Variants in SUSD6 observed in about 807,000 individuals in gnomAD.
The protein encoded by SUSD6 is sushi domain-containing protein 6.
Under a neutral mutation model 28.4 loss-of-function variants are expected in SUSD6, and 16 were observed. The ratio of observed to expected loss-of-function variants is 0.56; its 90% confidence interval spans 0.38 to 0.86. SUSD6 has a LOEUF of 0.86. Among genes scored for constraint, SUSD6 ranks in the 40% least tolerant of loss-of-function variants. SUSD6 has a pLI of 0.00. For missense variants in SUSD6, 341 were observed against 384.2 expected (o/e 0.89, Z 0.94); for synonymous variants, 147 against 159.6 (o/e 0.92, Z 0.59).
At position 69,664,636 on chromosome 14, in the gene SUSD6, A is replaced by C. The variant is rs1885712068; in HGVS notation, c.121+5923A>C. On this transcript the variant is annotated intron_variant, in intron 2 of 5. Coordinates refer to ENST00000342745, the MANE Select transcript of SUSD6 (RefSeq NM_014734.4). ...CACACTAATTGTTGTGCCATGTTTA[A>C]AACATTGACAACACATGGTACCACC... Among the ~76,000 whole-genome samples the C allele has an allele frequency of 2.0e-5, 3 of 152,156 alleles. No homozygotes were observed. The South Asian group carries it at 6.2e-4, about 32-fold the overall frequency.
At chr14:69,640,117 A>G (rs955153782) in intron 1 of SUSD6, among the ~76,000 whole-genome samples, 1 of 151,718 alleles carries the variant, frequency 6.6e-6, no homozygotes, top group Admixed American at 6.6e-5. Flanking sequence ...GACTCCCGGG[A>G]AAGCTCCCAC....
intron 1 of SUSD6, among the ~76,000 whole-genome samples, chr14:69,626,539 T>C (rs765029941): frequency 1.4e-4 from 22 of 152,202 alleles, no homozygotes; most frequent in Non-Finnish European, 5.9e-5. Flanking sequence ...TCACTTTTCA[T>C]TTTTCGTTGT....
At chr14:69,635,879 G>A (rs1885259161) in intron 1 of SUSD6, among the ~76,000 whole-genome samples, 2 of 152,368 alleles carry the variant, frequency 1.3e-5, no homozygotes, top group East Asian at 3.9e-4. Context: ...TGTGGTCAGG[G>A]ACAGCATCTG....
At chr14:69,669,095 C>T (rs1321219464) in intron 2 of SUSD6, among the ~76,000 whole-genome samples, 9 of 129,452 alleles carry the variant, frequency 7.0e-5, no homozygotes, top group African/African-American at 2.3e-4. Context: ...GACAGAGTCT[C>T]GCTTTGTCGC....
At chr14:69,619,579 G>A (rs1256588072) in intron 1 of SUSD6, among the ~76,000 whole-genome samples, 3 of 149,994 alleles carry the variant, frequency 2.0e-5, no homozygotes, top group Non-Finnish European at 4.4e-5. Context: ...GCAGCATAGT[G>A]AGAGTCCACA....
intron 2 of SUSD6, among the ~76,000 whole-genome samples, chr14:69,691,963 C>G (rs1427710184): frequency 6.7e-6 from 1 of 149,650 alleles, no homozygotes; most frequent in Non-Finnish European, 1.5e-5. Context: ...TGCTTGAACC[C>G]GGGAGGCGGA....
chr14:69,688,288 A>G (rs1886104470), intron 2 of SUSD6, among the ~76,000 whole-genome samples: 1 of 152,198 alleles, frequency 6.6e-6, no homozygotes, highest in Admixed American at 6.5e-5. Context: ...TTATCTTTCC[A>G]TTAGTTTGCA....
chr14:69,700,427 T>C (rs1886297217), intron 2 of SUSD6, among the ~76,000 whole-genome samples: 1 of 152,158 alleles, frequency 6.6e-6, no homozygotes, highest in African/African-American at 2.4e-5. Context: ...CTTCAGCGGC[T>C]CCCCCTTTTC....
At chr14:69,620,311 A>T (rs566914778) in intron 1 of SUSD6, among the ~76,000 whole-genome samples, 1 of 152,258 alleles carries the variant, frequency 6.6e-6, no homozygotes, top group Admixed American at 6.5e-5. Flanking sequence ...AAGTCATAAT[A>T]ATTTGTGAGC....
chr14:69,671,106 G>A (rs374029379), intron 2 of SUSD6, among the ~76,000 whole-genome samples: 252 of 152,358 alleles, frequency 1.7e-3, no homozygotes, highest in African/African-American at 5.7e-3. Flanking sequence ...AGTGGAGGCA[G>A]GTGCCTGTCC....
At chr14:69,688,248 A>AT (rs1287631924) in intron 2 of SUSD6, among the ~76,000 whole-genome samples, 1 of 152,222 alleles carries the variant, frequency 6.6e-6, no homozygotes, top group African/African-American at 2.4e-5. Flanking sequence ...AGTCAAGGTA[A>AT]TTTGAATAAA....
chr14:69,634,292 A>G lies in SUSD6; in HGVS notation c.-81+22464A>G, dbSNP rs374863288. On this transcript the variant is annotated intron_variant, in intron 1 of 5. Transcript: ENST00000342745. ...GGTAAGCAGACCTGTCAGATTGAGG[A>G]TTTGATTTATTTGTATTATTGGCAC... Among the ~76,000 whole-genome samples the G allele has an allele frequency of 3.9e-5, 6 of 152,102 alleles. No individual in the cohort carries two copies. In the East Asian group the frequency reaches 1.2e-3, roughly 29 times the overall value.
intron 1 of SUSD6, among the ~76,000 whole-genome samples, chr14:69,616,940 A>G (rs1595028032): frequency 6.6e-6 from 1 of 152,044 alleles, no homozygotes; most frequent in African/African-American, 2.4e-5. Flanking sequence ...GTCACTCCCT[A>G]TTTCTCTACA....
intron 1 of SUSD6, among the ~76,000 whole-genome samples, chr14:69,613,461 T>C (rs1054016376): frequency 2.0e-5 from 3 of 152,240 alleles, no homozygotes; most frequent in Non-Finnish European, 4.4e-5. Flanking sequence ...CTAAACTCTT[T>C]CTCCTGGGTA....
rs1386333166 is a variant in SUSD6, at chr14:69,703,447, G to T, written c.174G>T (p.Arg58=). 1 of 1,614,088 alleles carries T rather than the reference G, an allele frequency of 6.2e-7. No homozygotes were observed. The highest frequency in any genetic ancestry group is 8.5e-7 in the Non-Finnish European group (1 of 1,180,010). The change falls in exon 3 of 6, where the codon CGG becomes CGT. Residue 58 remains arginine (R), a synonymous_variant. Transcript: ENST00000342745. ...ATGGTGGCTACATCTGCCACCCCCG[G>T]CCCTGCAGAGACCCCCTGACAGCAG... ...PENGGYICHP[R]PCRDPLTAGS...
chr14:69,697,471 A>C (rs1886243241), intron 2 of SUSD6, among the ~76,000 whole-genome samples: 2 of 152,138 alleles, frequency 1.3e-5, no homozygotes, highest in Admixed American at 1.3e-4. Context: ...CTATGAGAAA[A>C]AGAATATAAA....
chr14:69,670,256 A>C (rs1885809764), intron 2 of SUSD6, among the ~76,000 whole-genome samples: 1 of 152,186 alleles, frequency 6.6e-6, no homozygotes, highest in African/African-American at 2.4e-5. Context: ...GCAGCCAGGA[A>C]CTGTGCTCTG....
intron 1 of SUSD6, among the ~76,000 whole-genome samples, chr14:69,656,374 T>C (rs1218193785): frequency 2.0e-5 from 3 of 152,218 alleles, no homozygotes; most frequent in Non-Finnish European, 2.9e-5. Context: ...TTCTTGATGA[T>C]CCACTGGTTA....
At chr14:69,626,178 C>T (rs1885111959) in intron 1 of SUSD6, among the ~76,000 whole-genome samples, 1 of 152,190 alleles carries the variant, frequency 6.6e-6, no homozygotes, top group African/African-American at 2.4e-5. Flanking sequence ...AGATTCTCCT[C>T]CTCAAACTCA....
Sources: gnomAD v4.1 joint callset for allele counts (sites outside exome capture counted in the v4.1 genomes callset) on GRCh38, gnomAD v4.1.1 for gene constraint, MANE v1.5 for transcripts, NCBI Gene and HGNC (gene_info 2026-07-23, HGNC 2026-07-21) for gene names.